NCAM2: variants seen among roughly 807,000 people sequenced by gnomAD.
NCAM2 encodes neural cell adhesion molecule 2, also known as N-CAM-2.
In NCAM2, 30 loss-of-function variants were observed where a neutral mutation model predicts 98.1. The ratio of observed to expected loss-of-function variants is 0.31; its 90% CI spans 0.23 to 0.41. The LOEUF (loss-of-function observed/expected upper bound fraction) is 0.41. NCAM2 is among the 10% of genes least tolerant of loss of function. NCAM2 has a pLI of 1.00. For missense variants in NCAM2, 867 were observed against 1,005.8 expected, an observed-to-expected ratio of 0.86 and a Z score of 1.87; for synonymous variants, 368 against 342.4, an observed-to-expected ratio of 1.07 and a Z score of -0.83.
chr21:21,142,632 G>A (rs573016735), intron 1 of NCAM2, among the ~76,000 whole-genome samples: 11 of 152,148 alleles, frequency 7.2e-5, no homozygotes, highest in Admixed American at 2.6e-4. Flanking sequence ...GCCCGCCTAG[G>A]CCTCCCAAAG....
rs866523167 is a variant in NCAM2 at position 21,410,436 on chromosome 21, G to A, written c.1358G>A (p.Ser453Asn). 10 of 1,565,852 alleles carry A rather than the reference G, an allele frequency of 6.4e-6. No individual in the cohort carries two copies. The highest frequency in any genetic ancestry group is 8.6e-6 in the Non-Finnish European group (10 of 1,157,164). The change falls in exon 10 of 18, where the codon AGT becomes AAT. Residue 453 changes from serine to asparagine, a missense_variant. Ser to Asn is a conservative substitution (Grantham distance 46). This residue lies in a region of NCAM2 where 56 missense variants were observed against 39.6 expected (regional missense o/e 1.41). Transcript: ENST00000400546. ...AACACGACCAATTTAAAGACTTATA[G>A]TACAGGAAGAAAGATGATATTAGAG... is the stretch of plus-strand genomic sequence containing the variant. ...AKNTTNLKTY[S>N]TGRKMILEIA...
At chr21:21,037,287 G>A (rs2064818959) in intron 1 of NCAM2, among the ~76,000 whole-genome samples, 1 of 152,116 alleles carries the variant, frequency 6.6e-6, no homozygotes, top group South Asian at 2.1e-4. Context: ...TAAGGTCATG[G>A]TATCAAAAAA....
intron 1 of NCAM2, among the ~76,000 whole-genome samples, chr21:21,116,799 G>A (rs1006530674): frequency 6.6e-6 from 1 of 151,914 alleles, no homozygotes; most frequent in African/African-American, 2.4e-5. Context: ...AGCTTGCAGT[G>A]AGCCGAGATC....
intron 5 of NCAM2, among the ~76,000 whole-genome samples, chr21:21,318,751 T>G (rs939453391): frequency 6.6e-6 from 1 of 152,180 alleles, no homozygotes; most frequent in Admixed American, 6.5e-5. Flanking sequence ...CTGTAATAGA[T>G]ATGTATCTGG....
At chr21:21,026,843 TTTC>T (rs1185369820) in intron 1 of NCAM2, among the ~76,000 whole-genome samples, 33 of 150,402 alleles carry the variant, frequency 2.2e-4, no homozygotes, top group Admixed American at 8.6e-4. Flanking sequence ...AATGTTTTCT[TTTC>T]TTCTTCTTCT....
At chr21:21,422,414 G>C (rs1404960760) in intron 11 of NCAM2, among the ~76,000 whole-genome samples, 1 of 152,016 alleles carries the variant, frequency 6.6e-6, no homozygotes, top group Non-Finnish European at 1.5e-5. Flanking sequence ...CATAATATGT[G>C]ATTGTAAGAA....
intron 1 of NCAM2, among the ~76,000 whole-genome samples, chr21:21,192,837 C>T (rs2068867753): frequency 6.6e-6 from 1 of 152,094 alleles, no homozygotes; most frequent in African/African-American, 2.4e-5. Flanking sequence ...TTATTACACA[C>T]AAGAAGAGTC....
intron 1 of NCAM2, among the ~76,000 whole-genome samples, chr21:21,218,570 G>T (rs956184746): frequency 6.6e-6 from 1 of 152,172 alleles, no homozygotes; most frequent in Non-Finnish European, 1.5e-5. Flanking sequence ...GGTGGGTCCA[G>T]TGTAACCCCA....
At chr21:21,284,601 A>G (rs922461167) in intron 3 of NCAM2, among the ~76,000 whole-genome samples, 12 of 151,842 alleles carry the variant, frequency 7.9e-5, no homozygotes, top group South Asian at 2.1e-4. Flanking sequence ...TAGGGCATCA[A>G]TTATATTAAA....
At chr21:21,358,747 C>G (rs2075564200) in intron 8 of NCAM2, among the ~76,000 whole-genome samples, 1 of 151,972 alleles carries the variant, frequency 6.6e-6, no homozygotes, top group Non-Finnish European at 1.5e-5. Flanking sequence ...ATAACTTTTT[C>G]TGGTACAAGT....
chr21:21,112,386 A>T (rs1290573244), intron 1 of NCAM2, among the ~76,000 whole-genome samples: 2 of 152,180 alleles, frequency 1.3e-5, no homozygotes, highest in Non-Finnish European at 2.9e-5. Flanking sequence ...AGCTATTTTT[A>T]TAAAGACCTG....
intron 16 of NCAM2, among the ~76,000 whole-genome samples, chr21:21,516,927 A>AATTT (rs775770589): frequency 6.6e-6 from 1 of 152,086 alleles, no homozygotes; most frequent in Non-Finnish European, 1.5e-5. Context: ...CTTTATGTAT[A>AATTT]ATTTATCCCA....
chr21:21,257,135 A>G (rs2071704807), intron 1 of NCAM2, among the ~76,000 whole-genome samples: 1 of 152,226 alleles, frequency 6.6e-6, no homozygotes, highest in African/African-American at 2.4e-5. Flanking sequence ...AGTCTTTTTG[A>G]TAAACAAGTC....
chr21:21,340,592 G>C (rs544522918), intron 8 of NCAM2, among the ~76,000 whole-genome samples: 22 of 151,994 alleles, frequency 1.4e-4, no homozygotes, highest in African/African-American at 5.1e-4. Flanking sequence ...TTCTGCACAA[G>C]TTTAATCCAG....
At chr21:21,002,558 A>C (rs938969864) in intron 1 of NCAM2, among the ~76,000 whole-genome samples, 1 of 152,124 alleles carries the variant, frequency 6.6e-6, no homozygotes, top group African/African-American at 2.4e-5. Flanking sequence ...AACAGGATCG[A>C]CAATCTGAAG....
chr21:21,438,808 C>T (rs2146068612), intron 12 of NCAM2, among the ~76,000 whole-genome samples: 1 of 152,030 alleles, frequency 6.6e-6, no homozygotes, highest in East Asian at 1.9e-4. Context: ...TTAGGCCAGG[C>T]ATGGTGGCTC....
intron 1 of NCAM2, among the ~76,000 whole-genome samples, chr21:21,136,542 A>G (rs1343218443): frequency 1.3e-5 from 2 of 151,466 alleles, no homozygotes; most frequent in East Asian, 1.9e-4. Flanking sequence ...ACTCACTGCA[A>G]CCTCCACCTC....
intron 1 of NCAM2, among the ~76,000 whole-genome samples, chr21:21,051,828 C>T (rs1236895999): frequency 6.6e-6 from 1 of 152,138 alleles, no homozygotes; most frequent in Non-Finnish European, 1.5e-5. Context: ...TAATAACTTC[C>T]CTTTTTGTGG....
At chr21:21,494,371 T>C (rs1987064996) in intron 15 of NCAM2, among the ~76,000 whole-genome samples, 1 of 151,884 alleles carries the variant, frequency 6.6e-6, no homozygotes, top group African/African-American at 2.4e-5. Flanking sequence ...CTTTCAATGT[T>C]GACAGAAAAA....
Sources: gnomAD v4.1 joint callset for allele counts (sites outside exome capture counted in the v4.1 genomes callset) on GRCh38, gnomAD v4.1.1 for gene constraint, gnomAD v4.1.1 regional missense constraint, MANE v1.5 for transcripts, NCBI Gene and HGNC (gene_info 2026-07-23, HGNC 2026-07-21) for gene names.